CNTRL: variants seen among roughly 807,000 people sequenced by gnomAD.
The protein encoded by CNTRL is centriolin.
CNTRL carries 233 observed loss-of-function variants against 303.7 expected under a neutral mutation model. The observed-to-expected ratio is 0.77, with a 90% CI of 0.69 to 0.86. The LOEUF is 0.86. CNTRL is among the 40% of genes least tolerant of loss of function. The probability of loss-of-function intolerance (pLI) is 0.00; values close to 1 mark genes in which losing one functional copy is unlikely to be tolerated. For synonymous variants in CNTRL, 900 were observed against 922.2 expected, an observed-to-expected ratio of 0.98 and a Z score of 0.44; for missense variants, 2,524 against 2,650.6, an observed-to-expected ratio of 0.95 and a Z score of 1.05.
At chr9:121,157,332 T>G in intron 27 of CNTRL, 138 bp from the exon 28 acceptor site, 1 of 770,818 alleles carries the variant, frequency 1.3e-6, no homozygotes, top group Non-Finnish European at 2.0e-6. Context: ...TTACCGAGAA[T>G]TAGAGTTACA....
intron 1 of CNTRL, among the ~76,000 whole-genome samples, chr9:121,078,724 G>C (rs1007192873): frequency 6.6e-6 from 1 of 152,192 alleles, no homozygotes; most frequent in African/African-American, 2.4e-5. Context: ...CTCCCTCCTT[G>C]GGTTTGATTA....
chr9:121,143,776 GT>G (rs1420628973), intron 19 of CNTRL, 126 bp from the exon 20 acceptor site: 2 of 615,592 alleles, frequency 3.2e-6, no homozygotes, highest in Non-Finnish European at 5.6e-6. Context: ...TATATGTGGA[GT>G]ACCTCCTGTG....
At chr9:121,144,542 C>T (rs2051718953) in intron 20 of CNTRL, among the ~76,000 whole-genome samples, 1 of 152,110 alleles carries the variant, frequency 6.6e-6, no homozygotes, top group Non-Finnish European at 1.5e-5. Context: ...GATAGCAGAT[C>T]ATAGGAGACA....
In CNTRL at chr9:121,145,297, C is replaced by T. The variant is rs761756248; in HGVS notation, c.3222C>T (p.Val1074=). 3 of 1,613,746 alleles carry T rather than the reference C, an allele frequency of 1.9e-6. No individual in the cohort carries two copies. Among genetic ancestry groups the T allele is most frequent in the African/African-American group, 1.3e-5 (1 of 74,836 alleles). The stretch of plus-strand genomic sequence containing the variant: ...TAGGTACTGGAGCAAACTCACAGGT[C>T]CTAGAAATTGAGAAACTGAATGAGA... ...TGVGTGANSQ[V]LEIEKLNETM... is the part of the protein sequence containing the mutation. The change falls in exon 22 of 44, where the codon GTC becomes GTT. Residue 1074 remains valine (V), a synonymous_variant. Coordinates refer to ENST00000373855, the MANE Select transcript of CNTRL (RefSeq NM_007018.6).
intron 1 of CNTRL, among the ~76,000 whole-genome samples, chr9:121,075,519 G>A (rs1035089298): frequency 6.6e-6 from 1 of 152,194 alleles, no homozygotes; most frequent in Non-Finnish European, 1.5e-5. Flanking sequence ...ACAGGATATG[G>A]GGACGAAATG....
Position 121,171,461 on chromosome 9 carries a change from G to A in CNTRL, c.6330G>A (p.Leu2110=). ...CIQKEMATIE[L]VAQDNHERAR... ...AAAAGGAAATGGCAACAATTGAACTGGTAGCCCAGGACAACCATGAGCGGG... is the reference window on the plus strand; with the variant it reads ...AAAAGGAAATGGCAACAATTGAACTAGTAGCCCAGGACAACCATGAGCGGG... The change falls in exon 40 of 44, where the codon CTG becomes CTA. Residue 2110 remains leucine, a synonymous_variant. Coordinates refer to ENST00000373855, the MANE Select transcript of CNTRL (RefSeq NM_007018.6). 6.2e-7 allele frequency: 1 copy of A among 1,614,116 alleles called. No individual in the cohort carries two copies. The highest frequency in any genetic ancestry group is 8.5e-7 in the Non-Finnish European group (1 of 1,179,980).
At chr9:121,136,073 G>A in intron 15 of CNTRL, 91 bp downstream of exon 15, 1 of 1,245,034 alleles carries the variant, frequency 8.0e-7, no homozygotes, top group Non-Finnish European at 1.1e-6. Flanking sequence ...TTAAAATTAA[G>A]CGTTTTTTCA....
intron 35 of CNTRL, among the ~76,000 whole-genome samples, chr9:121,165,699 G>A (rs1488272248): frequency 6.6e-6 from 1 of 152,058 alleles, no homozygotes; most frequent in African/African-American, 2.4e-5. Flanking sequence ...TAGTTTTCTT[G>A]TGACTGCTTA....
intron 1 of CNTRL, among the ~76,000 whole-genome samples, chr9:121,078,658 A>C (rs2048024385): frequency 6.6e-6 from 1 of 152,186 alleles, no homozygotes; most frequent in Non-Finnish European, 1.5e-5. Flanking sequence ...GCCAACTGTA[A>C]GCCTCAGTTT....
chr9:121,168,406 G>T, intron 38 of CNTRL, 85 bp downstream of exon 38: 1 of 1,211,496 alleles, frequency 8.3e-7, no homozygotes, highest in Non-Finnish European at 1.2e-6. Context: ...AAGAGATCCG[G>T]ACCCCAGCCA....
intron 16 of CNTRL, among the ~76,000 whole-genome samples, chr9:121,138,944 A>G (rs1394681815): frequency 2.0e-5 from 3 of 152,208 alleles, no homozygotes; most frequent in Admixed American, 6.5e-5. Flanking sequence ...TACTGTGTAA[A>G]CTCATGGGCA....
chr9:121,168,800 T>C (rs577395285), intron 38 of CNTRL, among the ~76,000 whole-genome samples: 7 of 152,348 alleles, frequency 4.6e-5, no homozygotes, highest in South Asian at 4.1e-4. Context: ...CCAGGGTAAA[T>C]GATTGTTCTC....
intron 34 of CNTRL, among the ~76,000 whole-genome samples, chr9:121,163,177 CAA>C (rs201417738): frequency 8.0e-5 from 9 of 112,288 alleles, no homozygotes; most frequent in Admixed American, 2.0e-4. Flanking sequence ...CTGTCTCTGC[CAA>C]AAAAAAAAAA....
chr9:121,153,090 T>C (rs542404092), intron 26 of CNTRL, among the ~76,000 whole-genome samples: 1 of 152,344 alleles, frequency 6.6e-6, no homozygotes, highest in African/African-American at 2.4e-5. Context: ...CTCTAAATCC[T>C]GCTGACTGCA....
chr9:121,121,798 T>C (rs1008579052), intron 12 of CNTRL: 1 of 985,330 alleles, frequency 1.0e-6, no homozygotes, highest in Admixed American at 6.1e-5. Flanking sequence ...GGTTTGAGGC[T>C]CTGCGAAGTT....
chr9:121,102,583 A>G (rs1452706289), intron 7 of CNTRL, among the ~76,000 whole-genome samples: 1 of 152,242 alleles, frequency 6.6e-6, no homozygotes, highest in Admixed American at 6.5e-5. Flanking sequence ...AAGGATGTTC[A>G]CTTAGGAAAA....
At chr9:121,134,128 A>G (rs1335721608) in intron 14 of CNTRL, among the ~76,000 whole-genome samples, 1 of 152,154 alleles carries the variant, frequency 6.6e-6, no homozygotes. Flanking sequence ...TCTCTTTCTC[A>G]TAGACACATA....
intron 7 of CNTRL, among the ~76,000 whole-genome samples, chr9:121,104,423 T>C (rs2049350325): frequency 6.6e-6 from 1 of 152,010 alleles, no homozygotes; most frequent in African/African-American, 2.4e-5. Context: ...ATACCTAATG[T>C]AAATGACGAG....
At chr9:121,134,131 GAC>G (rs969449202) in intron 14 of CNTRL, among the ~76,000 whole-genome samples, 2 of 151,992 alleles carry the variant, frequency 1.3e-5, no homozygotes, top group African/African-American at 4.8e-5. Context: ...CTTTCTCATA[GAC>G]ACATACTTTT....
Sources: allele counts gnomAD v4.1 joint callset (sites outside exome capture counted in the v4.1 genomes callset), GRCh38; gene constraint gnomAD v4.1.1; transcripts MANE v1.5; gene names NCBI Gene and HGNC (gene_info 2026-07-23, HGNC 2026-07-21).